The following SUPT3H variants were observed in gnomAD, a reference collection of about 807,000 sequenced individuals.
SUPT3H encodes the protein SPT3 homolog, SAGA and STAGA complex component, also known as transcription initiation protein SPT3 homolog.
SUPT3H carries 44 observed loss-of-function variants against 44.3 expected under a neutral mutation model. That is an observed-to-expected ratio of 0.99 (90% CI 0.78 to 1.28). SUPT3H has a LOEUF of 1.28. Among genes scored for constraint, SUPT3H ranks in the 50% most tolerant of loss-of-function variants. SUPT3H has a pLI of 0.00. For synonymous variants in SUPT3H, 124 were observed against 125.6 expected (o/e 0.99, Z 0.09); for missense variants, 380 against 387.1 (o/e 0.98, Z 0.15).
chr6:45,278,607 G>C (rs1299335471), intron 2 of SUPT3H, among the ~76,000 whole-genome samples: 2 of 152,152 alleles, frequency 1.3e-5, no homozygotes, highest in Non-Finnish European at 2.9e-5. Flanking sequence ...ACTAACAGTA[G>C]CTTACAAAGT....
intron 10 of SUPT3H, among the ~76,000 whole-genome samples, chr6:44,916,139 A>C (rs1767770831): frequency 6.6e-6 from 1 of 152,210 alleles, no homozygotes; most frequent in East Asian, 1.9e-4. Context: ...ATGACTCCAC[A>C]CTAGTAGAAG....
At chr6:44,848,664 C>A (rs189424619) in intron 10 of SUPT3H, among the ~76,000 whole-genome samples, 1 of 152,126 alleles carries the variant, frequency 6.6e-6, no homozygotes, top group South Asian at 2.1e-4. Flanking sequence ...TTTTCTATTA[C>A]AGACCAATAG....
chr6:45,041,097 G>T (rs190241134), intron 3 of SUPT3H, among the ~76,000 whole-genome samples: 5 of 152,238 alleles, frequency 3.3e-5, no homozygotes, highest in Admixed American at 1.3e-4. Context: ...CACTGTGCTA[G>T]GAGCTAGGGT....
At chr6:45,128,617 C>T (rs545905926) in intron 2 of SUPT3H, among the ~76,000 whole-genome samples, 17 of 136,670 alleles carry the variant, frequency 1.2e-4, no homozygotes, top group Admixed American at 3.7e-4. Flanking sequence ...CATACACACA[C>T]ATATATATAC....
At chr6:45,258,037 C>T (rs867519242) in intron 2 of SUPT3H, among the ~76,000 whole-genome samples, 6 of 152,154 alleles carry the variant, frequency 3.9e-5, no homozygotes, top group African/African-American at 1.4e-4. Context: ...GAAAACGTAG[C>T]ATTCCTAGGC....
In SUPT3H at chr6:45,299,743, C is replaced by T. The variant is rs532917589; in HGVS notation, c.101+65458G>A. Among the ~76,000 whole-genome samples, 87 of 146,582 alleles carry T rather than the reference C, an allele frequency of 5.9e-4. 1 individual carries two copies. The highest frequency in any genetic ancestry group is 2.1e-3 in the African/African-American group (83 of 39,884). On this transcript the variant is annotated intron_variant, in intron 2 of 10. Transcript: ENST00000371459. ...CAGCCTGGGCAACACAGTGAGACCC[C>T]GGCTCTGCCAAAAAAAAAAAAAAAT...
chr6:44,825,692 AAATGCTGACAC>A (rs1394092022), downstream of SUPT3H, among the ~76,000 whole-genome samples: 1 of 152,074 alleles, frequency 6.6e-6, no homozygotes, highest in Non-Finnish European at 1.5e-5. Context: ...TAGCTTATTA[AAATGCTGACAC>A]AATACATCAT....
chr6:44,904,250 GATTGT>G (rs1328822035), intron 10 of SUPT3H, among the ~76,000 whole-genome samples: 1 of 152,194 alleles, frequency 6.6e-6, no homozygotes, highest in African/African-American at 2.4e-5. Context: ...CAGATGACAT[GATTGT>G]ATATCTAGAA....
At chr6:45,107,788 T>C (rs992261532) in intron 2 of SUPT3H, among the ~76,000 whole-genome samples, 3 of 152,128 alleles carry the variant, frequency 2.0e-5, no homozygotes, top group Admixed American at 1.3e-4. Flanking sequence ...TCATCAAGAA[T>C]GAGAGTGAGC....
chr6:45,026,153 T>C (rs1483915610), intron 3 of SUPT3H, among the ~76,000 whole-genome samples: 1 of 152,186 alleles, frequency 6.6e-6, no homozygotes, highest in African/African-American at 2.4e-5. Context: ...GCACTCATTA[T>C]CCATCAGGCC....
rs11427923 is a variant in SUPT3H at position 45,112,990 on chromosome 6, GT to G, written c.102-6985del. On this transcript the variant is annotated intron_variant, in intron 2 of 10. Transcript: ENST00000371459. ...TTTTTTTTTTTTTTAATTAGTTCTG[GT>G]TTTTTTGGATGTTTTCCTACCCCAG... Among the ~76,000 whole-genome samples, 21 of 147,936 alleles carry G rather than the reference GT, an allele frequency of 1.4e-4. No homozygotes were observed. The South Asian group carries it at 2.8e-3, about 20-fold the overall frequency.
intron 10 of SUPT3H, among the ~76,000 whole-genome samples, chr6:44,852,412 G>C (rs1358549693): frequency 6.6e-6 from 1 of 152,030 alleles, no homozygotes; most frequent in Non-Finnish European, 1.5e-5. Context: ...ATCAAAAAAG[G>C]CTTTGGAGGT....
intron 3 of SUPT3H, among the ~76,000 whole-genome samples, chr6:45,048,762 ATTATG>A (rs146716170): frequency 0.018 from 2,667 of 152,268 alleles, 52 homozygotes; most frequent in South Asian, 0.086. Context: ...TCTAGAGGAT[ATTATG>A]TTAAGTGAAA....
At chr6:45,185,063 G>T (rs184903425) in intron 2 of SUPT3H, among the ~76,000 whole-genome samples, 4 of 152,130 alleles carry the variant, frequency 2.6e-5, no homozygotes, top group African/African-American at 9.7e-5. Context: ...TACCAGATAG[G>T]CTAAGGGTAC....
chr6:45,255,218 G>A (rs1773146848), intron 2 of SUPT3H, among the ~76,000 whole-genome samples: 1 of 152,040 alleles, frequency 6.6e-6, no homozygotes, highest in Non-Finnish European at 1.5e-5. Context: ...GAGATTTCAG[G>A]CATGCACTAA....
chr6:44,908,762 T>C (rs1009495783), intron 10 of SUPT3H, among the ~76,000 whole-genome samples: 9 of 151,456 alleles, frequency 5.9e-5, no homozygotes, highest in African/African-American at 2.2e-4. Context: ...ATATCAGACA[T>C]GTAGGCCACT....
intron 11 of SUPT3H, among the ~76,000 whole-genome samples, chr6:44,810,623 T>G (rs577375929): frequency 8.0e-5 from 12 of 150,064 alleles, no homozygotes; most frequent in South Asian, 2.1e-4. Context: ...AAAATGCACT[T>G]TTGGCGGGGC....
chr6:44,969,279 A>G (rs886534513), intron 6 of SUPT3H, among the ~76,000 whole-genome samples: 5 of 152,194 alleles, frequency 3.3e-5, no homozygotes, highest in Non-Finnish European at 7.3e-5. Flanking sequence ...ACATACACAC[A>G]CATATGCACG....
chr6:45,362,169 T>C (rs1794378865), intron 2 of SUPT3H, among the ~76,000 whole-genome samples: 1 of 152,212 alleles, frequency 6.6e-6, no homozygotes, highest in Non-Finnish European at 1.5e-5. Context: ...CTAGGACAGA[T>C]TGGTTGCCAG....
Sources: allele counts gnomAD v4.1 joint callset (sites outside exome capture counted in the v4.1 genomes callset), GRCh38; gene constraint gnomAD v4.1.1; transcripts MANE v1.5; gene names NCBI Gene and HGNC (gene_info 2026-07-23, HGNC 2026-07-21).